The following RREB1 variants were observed in gnomAD, a reference collection of about 807,000 sequenced individuals.
RREB1 encodes the protein ras responsive element binding protein 1, also known as ras-responsive element-binding protein 1.
RREB1 carries 27 observed loss-of-function variants against 117.8 expected under a neutral mutation model. The ratio of observed to expected loss-of-function variants is 0.23; its 90% CI spans 0.17 to 0.32. RREB1 has a LOEUF of 0.32. Ranked by LOEUF, RREB1 falls within the 10% of genes least tolerant of loss-of-function variation. The probability of loss-of-function intolerance (pLI) is 1.00; values close to 1 mark genes in which losing one functional copy is unlikely to be tolerated. For synonymous variants in RREB1, 1,298 were observed against 1,026.7 expected (o/e 1.26, Z -5.05); for missense variants, 2,577 against 2,378.2 (o/e 1.08, Z -1.74).
intron 1 of RREB1, among the ~76,000 whole-genome samples, chr6:7,150,904 G>A (rs551830390): frequency 6.6e-6 from 1 of 152,376 alleles, no homozygotes; most frequent in East Asian, 1.9e-4. Context: ...ATGTTGAGAG[G>A]TTGGGGTGGT....
rs997897929 is a variant in RREB1, at chr6:7,189,032, T to C, written c.262-127T>C. On this transcript the variant is annotated intron_variant, in intron 5 of 12. Coordinates refer to ENST00000379938, the MANE Select transcript of RREB1 (RefSeq NM_001003699.4). Reference sequence around the variant, plus strand: ...TACCCCTTCAGAAAGATATTTAAAATGAAAGAGAAACACATAGCCAAGAAA... The same window carrying C: ...TACCCCTTCAGAAAGATATTTAAAACGAAAGAGAAACACATAGCCAAGAAA... 1.8e-4 allele frequency: 158 copies of C among 866,948 alleles called. 3 individuals carry two copies. The highest frequency in any genetic ancestry group is 1.0e-4 in the Non-Finnish European group (61 of 594,024). The allele number at this position is 866,948 out of a possible 1,614,324, so 53.7% of individuals were successfully genotyped here.
rs148224708 is a variant in RREB1, at chr6:7,248,826, C to A, written c.5087C>A (p.Pro1696Gln). ...HREEKVTAGWPSEPGQGDLNP... is the reference protein window; with the variant it reads ...HREEKVTAGWQSEPGQGDLNP... Reference sequence around the variant, plus strand: ...GAGGAGAAGGTCACGGCAGGGTGGCCGTCTGAGCCTGGCCAGGGTGACCTT... The same window carrying A: ...GAGGAGAAGGTCACGGCAGGGTGGCAGTCTGAGCCTGGCCAGGGTGACCTT... Residue 1696 changes from proline to glutamine, a missense_variant, in exon 13 of 13, where the codon CCG becomes CAG. Physicochemically the swap from Pro to Gln is moderately conservative, Grantham distance 76. Transcript: ENST00000379938. 3.7e-6 allele frequency: 6 copies of A among 1,612,810 alleles called. No individual in the cohort carries two copies. The highest frequency in any genetic ancestry group is 4.2e-6 in the Non-Finnish European group (5 of 1,179,554).
chr6:7,242,648 C>G (rs926981814), intron 11 of RREB1, among the ~76,000 whole-genome samples: 2 of 151,326 alleles, frequency 1.3e-5, no homozygotes, highest in Non-Finnish European at 2.9e-5. Context: ...GGGTTCCCCC[C>G]CCCCAGTGAA....
chr6:7,171,980 C>G (rs1383543688), intron 1 of RREB1, among the ~76,000 whole-genome samples: 2 of 151,582 alleles, frequency 1.3e-5, no homozygotes, highest in Non-Finnish European at 2.9e-5. Flanking sequence ...AAGTCTGGCC[C>G]TGTTGACCAG....
At chr6:7,108,864 C>T (rs11759956) in intron 1 of RREB1, among the ~76,000 whole-genome samples, 62,875 of 151,290 alleles carry the variant, frequency 0.42, 15,809 homozygotes, top group Middle Eastern at 0.6. Flanking sequence ...CGCGGGTTCC[C>T]GGCTGGCGGT....
intron 8 of RREB1, chr6:7,215,711 C>T (rs182130033): frequency 3.9e-5 from 6 of 152,344 alleles, no homozygotes; most frequent in Non-Finnish European, 5.9e-5. Flanking sequence ...ATACCAGTAT[C>T]ATCAAAATAT....
intron 1 of RREB1, among the ~76,000 whole-genome samples, chr6:7,136,099 T>C (rs904908661): frequency 1.4e-4 from 21 of 152,206 alleles, no homozygotes; most frequent in Admixed American, 6.5e-5. Context: ...GGGGTGATGA[T>C]GACTTTTGAT....
rs1219795139 is a variant in RREB1, at chr6:7,224,386, CAGAGTT to C, written c.708-2077_708-2072del. Among the ~76,000 whole-genome samples, 3 of 152,072 alleles carry C rather than the reference CAGAGTT, an allele frequency of 2.0e-5. No homozygotes were observed. The East Asian group carries it at 5.8e-4, about 29-fold the overall frequency. On this transcript the variant is annotated intron_variant, in intron 8 of 12. Coordinates refer to ENST00000379938, the MANE Select transcript of RREB1 (RefSeq NM_001003699.4). ...TGTGAATATATCAAATATCTCTGAT[CAGAGTT>C]AGATTTTCCCAATTCAGACATATCT...
At chr6:7,201,155 G>C (rs1168471086) in intron 6 of RREB1, among the ~76,000 whole-genome samples, 2 of 152,116 alleles carry the variant, frequency 1.3e-5, no homozygotes, top group Non-Finnish European at 2.9e-5. Context: ...ACATGCCCAG[G>C]TGTCCTCTCC....
rs905419742 is a variant in RREB1 at position 7,116,406 on chromosome 6, T to C, written c.-285+8346T>C. Among the ~76,000 whole-genome samples, 81 of 152,234 alleles carry C rather than the reference T, an allele frequency of 5.3e-4. 1 individual carries two copies. The highest frequency in any genetic ancestry group is 1.3e-4 in the Non-Finnish European group (9 of 68,040). On this transcript the variant is annotated intron_variant, in intron 1 of 12. Transcript: ENST00000379938. The stretch of plus-strand genomic sequence containing the variant: ...CTCTTCTATGGAGAATTAGCTCTTC[T>C]GTTGTGAGTAACTTTTACCCCCATC...
Position 7,172,458 on chromosome 6 carries a change from G to T in RREB1, c.-284-4197G>T, listed in dbSNP as rs146308303. ...GAGATGGGTTTTGCTGTGTTGCCCA[G>T]GCTGGTCTTGAACTCCTAACCTCAA... On this transcript the variant is annotated intron_variant, in intron 1 of 12. Coordinates refer to ENST00000379938, the MANE Select transcript of RREB1 (RefSeq NM_001003699.4). Among the ~76,000 whole-genome samples the T allele has an allele frequency of 5.5e-3, 835 of 151,762 alleles. 5 individuals carry two copies. The highest frequency in any genetic ancestry group is 0.019 in the African/African-American group (795 of 41,380).
intron 11 of RREB1, among the ~76,000 whole-genome samples, chr6:7,242,088 T>G (rs531592385): frequency 6.6e-6 from 1 of 152,370 alleles, no homozygotes; most frequent in Non-Finnish European, 1.5e-5. Flanking sequence ...CCCTGTGATC[T>G]TCCCATAGTG....
At chr6:7,173,116 C>T (rs1445172096) in intron 1 of RREB1, among the ~76,000 whole-genome samples, 2 of 152,162 alleles carry the variant, frequency 1.3e-5, no homozygotes, top group Non-Finnish European at 2.9e-5. Flanking sequence ...GGAGACTCTG[C>T]ACTGTGCCCA....
At chr6:7,196,364 C>A (rs1434030725) in intron 6 of RREB1, among the ~76,000 whole-genome samples, 1 of 151,816 alleles carries the variant, frequency 6.6e-6, no homozygotes. Flanking sequence ...TTCCTTTGGC[C>A]TGTGGTCATT....
intron 6 of RREB1, among the ~76,000 whole-genome samples, chr6:7,201,494 TCCC>T (rs11352594): frequency 8.7e-6 from 1 of 115,166 alleles, no homozygotes. Flanking sequence ...GGCAACATTG[TCCC>T]CCCCCCCCAA....
chr6:7,174,151 C>CTTTTTTTTT (rs59106767), intron 1 of RREB1, among the ~76,000 whole-genome samples: 3 of 131,080 alleles, frequency 2.3e-5, no homozygotes, highest in East Asian at 2.2e-4. Flanking sequence ...CTAGTCTTTC[C>CTTTTTTTTT]TTTTTTTTTT....
intron 9 of RREB1, among the ~76,000 whole-genome samples, chr6:7,228,767 G>A (rs1451224222): frequency 1.3e-5 from 2 of 151,864 alleles, no homozygotes; most frequent in Admixed American, 6.6e-5. Context: ...CTCAGTCTCT[G>A]GAGTAGCTGG....
chr6:7,183,180 G>A (rs546658732), intron 4 of RREB1: 1 of 152,290 alleles, frequency 6.6e-6, no homozygotes, highest in East Asian at 1.9e-4. Flanking sequence ...GATGTTTTAG[G>A]GTTGGAACAT....
chr6:7,246,579 G>C lies in RREB1; in HGVS notation c.4129G>C (p.Val1377Leu), dbSNP rs1483063044. 1 of 1,551,856 alleles carries C rather than the reference G, an allele frequency of 6.4e-7. No homozygotes were observed. Among genetic ancestry groups the C allele is most frequent in the South Asian group, 1.2e-5 (1 of 84,258 alleles). The change falls in exon 12 of 13, where the codon GTG becomes CTG. Residue 1377 changes from valine (V) to leucine (L), a missense_variant. Physicochemically the swap from Val to Leu is conservative, Grantham distance 32. Transcript: ENST00000379938. ...GGCCACGGCGGAAACGGCCTCGCCG[G>C]TGCACCGGGAAGAGCACGGGCGTGG... is the stretch of plus-strand genomic sequence containing the variant. ...EQATAETASP[V>L]HREEHGRGES...
Sources: gnomAD v4.1 joint callset for allele counts (sites outside exome capture counted in the v4.1 genomes callset) on GRCh38, gnomAD v4.1.1 for gene constraint, MANE v1.5 for transcripts, NCBI Gene and HGNC (gene_info 2026-07-23, HGNC 2026-07-21) for gene names.